The following SNAPC3 variants were observed in gnomAD, a reference collection of about 807,000 sequenced individuals.
The protein encoded by SNAPC3 is small nuclear RNA activating complex polypeptide 3.
In SNAPC3, 56 loss-of-function variants were observed where a neutral mutation model predicts 47.7. The ratio of observed to expected loss-of-function variants is 1.18; its 90% CI spans 0.95 to 1.47. SNAPC3 has a LOEUF of 1.47. Ranked by LOEUF, SNAPC3 falls within the 40% of genes most tolerant of loss-of-function variation. The probability of loss-of-function intolerance (pLI) is 0.00; values close to 1 mark genes in which losing one functional copy is unlikely to be tolerated. For missense variants in SNAPC3, 665 were observed against 511.3 expected (o/e 1.30, Z -2.90); for synonymous variants, 235 against 189.9 (o/e 1.24, Z -1.95).
intron 3 of SNAPC3, among the ~76,000 whole-genome samples, chr9:15,438,959 C>T (rs1352666804): frequency 2.0e-5 from 3 of 152,252 alleles, no homozygotes; most frequent in East Asian, 3.9e-4. Flanking sequence ...CAACTATTAC[C>T]ATAGAACTGT....
intron 6 of SNAPC3, among the ~76,000 whole-genome samples, chr9:15,452,126 C>A (rs111530818): frequency 0.038 from 5,784 of 152,016 alleles, 340 homozygotes; most frequent in African/African-American, 0.13. Flanking sequence ...TCATGCCCAG[C>A]TAATTTTTGT....
At chr9:15,456,103 A>G (rs907440262) in intron 7 of SNAPC3, among the ~76,000 whole-genome samples, 2 of 151,846 alleles carry the variant, frequency 1.3e-5, no homozygotes, top group Non-Finnish European at 2.9e-5. Context: ...CGAACTCCCG[A>G]CCTCAGGTGA....
chr9:15,449,862 G>T (rs888679081), intron 5 of SNAPC3, among the ~76,000 whole-genome samples: 1 of 151,876 alleles, frequency 6.6e-6, no homozygotes, highest in Admixed American at 6.6e-5. Context: ...AGTCAGGGAA[G>T]TTTATTAGTG....
chr9:15,446,788 C>CTGT (rs2033967442), intron 4 of SNAPC3, among the ~76,000 whole-genome samples: 1 of 152,148 alleles, frequency 6.6e-6, no homozygotes, highest in Admixed American at 6.5e-5. Context: ...GGCAGAGGGG[C>CTGT]TGTCCCTTGT....
intron 3 of SNAPC3, chr9:15,433,854 T>A: frequency 2.7e-6 from 1 of 372,846 alleles, no homozygotes; most frequent in African/African-American, 2.1e-5. Context: ...GCCTTTATTC[T>A]TGTTTGGTTT....
intron 3 of SNAPC3, among the ~76,000 whole-genome samples, chr9:15,442,758 C>T (rs2033587433): frequency 6.6e-6 from 1 of 152,202 alleles, no homozygotes; most frequent in Non-Finnish European, 1.5e-5. Flanking sequence ...TCTTCACTTG[C>T]CAGACGGGGT....
chr9:15,422,905 CTACGTG>C lies in SNAPC3; in HGVS notation c.29_34del (p.Thr10_Cys11del). The C allele has an allele frequency of 6.5e-7, 1 of 1,535,308 alleles. No individual in the cohort carries two copies. The highest frequency in any genetic ancestry group is 8.8e-7 in the Non-Finnish European group (1 of 1,141,506). ...ATGGCTGAAGGAAGCCGAGGTGGCC[CTACGTG>C]TAGCGGGGTGGGTGGCAGGCAGGAC... On this transcript the variant is annotated inframe_deletion, in exon 1 of 9. Transcript: ENST00000380821.
chr9:15,463,973 G>A (rs1251565474), downstream of SNAPC3: 8 of 166,208 alleles, frequency 4.8e-5, no homozygotes, highest in East Asian at 8.8e-4. Context: ...CAACCTCTGT[G>A]ACCAGTTAAC....
chr9:15,441,383 CTTTTTTTTTTTTTTTTT>C (rs77103785), intron 3 of SNAPC3, among the ~76,000 whole-genome samples: 5,982 of 59,910 alleles, frequency 0.1, 305 homozygotes, highest in South Asian at 0.21. Flanking sequence ...GTTCCCTTTT[CTTTTTTTTTTTTTTTTT>C]TTTTTTTAGT....
rs1160906944 is a variant in SNAPC3 at position 15,423,033 on chromosome 9, C to G, written c.154C>G (p.Arg52Gly). Residue 52 changes from arginine (R) to glycine (G), a missense_variant, in exon 1 of 9, where the codon CGG becomes GGG. Transcript: ENST00000380821. ...FHVGAFGELW[R>G]GRLRGAGDLS... is the part of the protein sequence containing the mutation. The stretch of plus-strand genomic sequence containing the variant: ...TGTGGGCGCCTTTGGGGAGCTGTGG[C>G]GGGGCCGTCTGCGCGGGGCCGGGGA... 6.6e-7 allele frequency: 1 copy of G among 1,523,566 alleles called. No homozygotes were observed. The allele number at this position is 1,523,566 out of a possible 1,614,324, so 94.4% of individuals were successfully genotyped here.
chr9:15,442,708 C>G (rs74346053), intron 3 of SNAPC3, among the ~76,000 whole-genome samples: 2 of 151,758 alleles, frequency 1.3e-5, no homozygotes, highest in Admixed American at 1.3e-4. Context: ...GGCAGAGGGG[C>G]TCCTCACATC....
chr9:15,461,307 A>T lies in SNAPC3; in HGVS notation c.*1441A>T, dbSNP rs1196350006. On this transcript the variant is annotated 3_prime_UTR_variant, in exon 9 of 9. Coordinates refer to ENST00000380821, the MANE Select transcript of SNAPC3 (RefSeq NM_001039697.2). The stretch of plus-strand genomic sequence containing the variant: ...TACCGAGTAGCTGAGACATGGTGGC[A>T]CAGGCCACCATGGCGGGCTAATTTT... The T allele has an allele frequency of 6.6e-6, 1 of 152,212 alleles. No individual in the cohort carries two copies. The highest frequency in any genetic ancestry group is 1.5e-5 in the Non-Finnish European group (1 of 68,060). The allele number at this position is 152,212 out of a possible 1,614,324, so 9.4% of individuals were successfully genotyped here.
At chr9:15,465,309 C>A, downstream of SNAPC3, 1 of 459,226 alleles carries the variant, frequency 2.2e-6, no homozygotes, top group Non-Finnish European at 3.8e-6. Flanking sequence ...GGATTTTATC[C>A]CACATTTACT....
chr9:15,436,551 A>G (rs1047511520), intron 3 of SNAPC3, among the ~76,000 whole-genome samples: 2 of 152,178 alleles, frequency 1.3e-5, no homozygotes, highest in Admixed American at 6.5e-5. Context: ...TTGGCTTTGT[A>G]GTAAATTTTG....
intron 3 of SNAPC3, among the ~76,000 whole-genome samples, chr9:15,440,554 A>C (rs2033234397): frequency 6.6e-6 from 1 of 152,184 alleles, no homozygotes; most frequent in Non-Finnish European, 1.5e-5. Context: ...AGCTGAACAC[A>C]GTGGTGGGTT....
chr9:15,423,311 G>A (rs1417836202), intron 1 of SNAPC3, 118 bp downstream of exon 1: 3 of 1,056,416 alleles, frequency 2.8e-6, no homozygotes, highest in Non-Finnish European at 2.6e-6. Flanking sequence ...TGGGCTAGGA[G>A]TATTACCCTT....
chr9:15,437,709 G>T lies in SNAPC3; in HGVS notation c.477+4073G>T, dbSNP rs375615562. Among the ~76,000 whole-genome samples the T allele has an allele frequency of 4.1e-5, 6 of 144,996 alleles. No homozygotes were observed. In the East Asian group the frequency reaches 8.3e-4, roughly 20 times the overall value. ...TAATGTTAAATTACCCTTGCATTTTGAGGATAAATAAATTCCACTTGGTTG... is the reference window on the plus strand; with the variant it reads ...TAATGTTAAATTACCCTTGCATTTTTAGGATAAATAAATTCCACTTGGTTG... On this transcript the variant is annotated intron_variant, in intron 3 of 8. Transcript: ENST00000380821.
At position 15,461,152 on chromosome 9, in the gene SNAPC3, A is replaced by C. The variant is rs1372076373; in HGVS notation, c.*1286A>C. The C allele has an allele frequency of 3.3e-5, 5 of 151,552 alleles. No homozygotes were observed. Among genetic ancestry groups the C allele is most frequent in the African/African-American group, 7.3e-5 (3 of 41,314 alleles). The allele number at this position is 151,552 out of a possible 1,614,324, so 9.4% of individuals were successfully genotyped here. On this transcript the variant is annotated 3_prime_UTR_variant, in exon 9 of 9. Coordinates refer to ENST00000380821, the MANE Select transcript of SNAPC3 (RefSeq NM_001039697.2). ...TCTTATTCTGAGGAAAAAAAAAAAA[A>C]CCAAAACTTTTTAAACTTATTTTTT...
At chr9:15,451,246 T>C in intron 5 of SNAPC3, 74 bp from the exon 6 acceptor site, 1 of 564,444 alleles carries the variant, frequency 1.8e-6, no homozygotes, top group Non-Finnish European at 3.1e-6. Flanking sequence ...TATATCTATT[T>C]TGAATTAATA....
Sources: gnomAD v4.1 joint callset for allele counts (sites outside exome capture counted in the v4.1 genomes callset) on GRCh38, gnomAD v4.1.1 for gene constraint, MANE v1.5 for transcripts, NCBI Gene and HGNC (gene_info 2026-07-23, HGNC 2026-07-21) for gene names.